The following DLG1 variants were observed in gnomAD, a reference collection of about 807,000 sequenced individuals.
The protein encoded by DLG1 is disks large homolog 1.
In DLG1, 42 loss-of-function variants were observed where a neutral mutation model predicts 123.4. The ratio of observed to expected loss-of-function variants is 0.34; its 90% CI spans 0.27 to 0.44. The LOEUF (loss-of-function observed/expected upper bound fraction) is 0.44. DLG1 is among the 20% of genes least tolerant of loss of function. DLG1 has a pLI of 1.00. For missense variants in DLG1, 942 were observed against 1,082.6 expected, an observed-to-expected ratio of 0.87 and a Z score of 1.82; for synonymous variants, 317 against 356.2, an observed-to-expected ratio of 0.89 and a Z score of 1.24.
chr3:197,243,122 C>T (rs1749813538), intron 4 of DLG1, among the ~76,000 whole-genome samples: 1 of 152,188 alleles, frequency 6.6e-6, no homozygotes, highest in African/African-American at 2.4e-5. Context: ...CAATGCCGTT[C>T]CTGTTTCTGT....
chr3:197,204,575 TC>T (rs1727554459), intron 4 of DLG1, among the ~76,000 whole-genome samples: 1 of 152,158 alleles, frequency 6.6e-6, no homozygotes, highest in African/African-American at 2.4e-5. Context: ...AAACAATTTC[TC>T]CCAACTAGTC....
intron 19 of DLG1, among the ~76,000 whole-genome samples, chr3:197,067,352 C>A (rs1740306543): frequency 6.6e-6 from 1 of 151,844 alleles, no homozygotes; most frequent in Non-Finnish European, 1.5e-5. Context: ...AAAACTAAAT[C>A]CTTCCAAGAA....
intron 4 of DLG1, chr3:197,260,364 AAAAT>A (rs1213493787): frequency 2.7e-6 from 1 of 368,264 alleles, no homozygotes; most frequent in Non-Finnish European, 5.3e-6. Context: ...CATGTAAATA[AAAAT>A]AAATAAAGCT....
intron 13 of DLG1, among the ~76,000 whole-genome samples, chr3:197,115,040 C>T (rs1270526350): frequency 6.8e-6 from 1 of 146,724 alleles, no homozygotes; most frequent in Non-Finnish European, 1.5e-5. Flanking sequence ...GCAAGACAGT[C>T]CTATACAACA....
At chr3:197,200,990 T>C (rs1184936367) in intron 4 of DLG1, among the ~76,000 whole-genome samples, 1 of 152,108 alleles carries the variant, frequency 6.6e-6, no homozygotes, top group Non-Finnish European at 1.5e-5. Flanking sequence ...TCACAGCAAT[T>C]AGGCAAGAGG....
At chr3:197,168,075 C>T (rs1285848212) in intron 5 of DLG1, among the ~76,000 whole-genome samples, 1 of 152,150 alleles carries the variant, frequency 6.6e-6, no homozygotes, top group Non-Finnish European at 1.5e-5. Flanking sequence ...TCTCCAAAAC[C>T]CTTTATGATA....
At chr3:197,245,663 G>C (rs531320632) in intron 4 of DLG1, among the ~76,000 whole-genome samples, 12 of 152,080 alleles carry the variant, frequency 7.9e-5, no homozygotes, top group Non-Finnish European at 1.2e-4. Context: ...CTTTGGTCTG[G>C]TAACACCCAT....
chr3:197,140,828 C>G (rs972278246), intron 7 of DLG1, among the ~76,000 whole-genome samples: 2 of 152,152 alleles, frequency 1.3e-5, no homozygotes, highest in African/African-American at 4.8e-5. Context: ...AACCAATATA[C>G]CCGATTAGCA....
At chr3:197,155,051 A>T (rs1795756089) in intron 5 of DLG1, among the ~76,000 whole-genome samples, 1 of 152,208 alleles carries the variant, frequency 6.6e-6, no homozygotes, top group African/African-American at 2.4e-5. Flanking sequence ...AGATTTCATG[A>T]AACACATGAA....
intron 4 of DLG1, among the ~76,000 whole-genome samples, chr3:197,218,081 A>C (rs1734985025): frequency 6.6e-6 from 1 of 152,208 alleles, no homozygotes; most frequent in Non-Finnish European, 1.5e-5. Context: ...TAAAAATAAA[A>C]AGAACAGCAA....
At chr3:197,238,816 T>A (rs1747361443) in intron 4 of DLG1, among the ~76,000 whole-genome samples, 1 of 152,182 alleles carries the variant, frequency 6.6e-6, no homozygotes, top group Admixed American at 6.5e-5. Flanking sequence ...ACAAAATTTA[T>A]GGTATAAAGT....
rs1765569687 is a variant in DLG1 at position 197,104,972 on chromosome 3, C to T, written c.1477G>A (p.Glu493Lys). Reference protein sequence around the residue: ...NSVDLRAASHEQAAAALKNAG... With the variant: ...NSVDLRAASHKQAAAALKNAG... Reference sequence around the variant, plus strand: ...TTTTTCAATGCAGCTGCTGCCTGCTCATGACTAGCAGCTCTGAGGTCAACA... The same window carrying T: ...TTTTTCAATGCAGCTGCTGCCTGCTTATGACTAGCAGCTCTGAGGTCAACA... Residue 493 changes from glutamate (E) to lysine (K), a missense_variant, in exon 14 of 25, where the codon GAG becomes AAG. Physicochemically the swap from Glu to Lys is moderately conservative, Grantham distance 56. Transcript: ENST00000667157. 5 of 1,613,208 alleles carry T rather than the reference C, an allele frequency of 3.1e-6. No individual in the cohort carries two copies. The highest frequency in any genetic ancestry group is 4.2e-6 in the Non-Finnish European group (5 of 1,179,566).
Position 197,076,633 on chromosome 3 carries a change from A to G in DLG1, c.1958T>C (p.Phe653Ser). The change falls in exon 18 of 25, where the codon TTC becomes TCC. Residue 653 changes from phenylalanine (F) to serine (S), a missense_variant. Transcript: ENST00000667157. The stretch of plus-strand genomic sequence containing the variant: ...CTCACTCTGGTCCTTGTTCTTGTAG[A>G]AGGGGAATTTTCGGGAAAAGAGGTT... ...KKNLFSRKFP[F>S]YKNKDQSEQE... 6.2e-7 allele frequency: 1 copy of G among 1,613,050 alleles called. No individual in the cohort carries two copies. Among genetic ancestry groups the G allele is most frequent in the Non-Finnish European group, 8.5e-7 (1 of 1,179,328 alleles).
chr3:197,106,391 G>T (rs34110819), intron 13 of DLG1, among the ~76,000 whole-genome samples: 18 of 152,152 alleles, frequency 1.2e-4, no homozygotes, highest in Non-Finnish European at 2.5e-4. Flanking sequence ...GGGTGACAGA[G>T]AGAGGGACGC....
At chr3:197,210,042 A>G (rs1273364269) in intron 4 of DLG1, among the ~76,000 whole-genome samples, 1 of 146,438 alleles carries the variant, frequency 6.8e-6, no homozygotes, top group African/African-American at 2.4e-5. Flanking sequence ...TTTAATCTGT[A>G]TCCTTTCAAG....
chr3:197,245,706 T>C (rs1243622982), intron 4 of DLG1, among the ~76,000 whole-genome samples: 1 of 152,180 alleles, frequency 6.6e-6, no homozygotes, highest in African/African-American at 2.4e-5. Flanking sequence ...CTCCTATTTT[T>C]ATTAATTTCT....
chr3:197,158,922 C>T (rs1439960888), intron 5 of DLG1, among the ~76,000 whole-genome samples: 1 of 152,142 alleles, frequency 6.6e-6, no homozygotes, highest in Non-Finnish European at 1.5e-5. Context: ...AGGTTTAAAA[C>T]ATCTAGTTTT....
At chr3:197,054,006 G>T (rs1314916129) in intron 23 of DLG1, among the ~76,000 whole-genome samples, 2 of 150,300 alleles carry the variant, frequency 1.3e-5, no homozygotes, top group Non-Finnish European at 3.0e-5. Context: ...GTGAGAGGCT[G>T]CTTGAGCCCA....
chr3:197,061,363 A>G (rs1410556032), intron 22 of DLG1, among the ~76,000 whole-genome samples: 3 of 152,246 alleles, frequency 2.0e-5, no homozygotes, highest in Non-Finnish European at 4.4e-5. Flanking sequence ...ATATGTACAT[A>G]ATAGTTTGAG....
Sources: allele counts gnomAD v4.1 joint callset (sites outside exome capture counted in the v4.1 genomes callset), GRCh38; gene constraint gnomAD v4.1.1; transcripts MANE v1.5; gene names NCBI Gene and HGNC (gene_info 2026-07-23, HGNC 2026-07-21).